The following CAPN7 variants were observed in gnomAD, a reference collection of about 807,000 sequenced individuals.
CAPN7 encodes the protein calpain 7, also known as calpain-7.
Under a neutral mutation model 115.2 loss-of-function variants are expected in CAPN7, and 72 were observed. The ratio of observed to expected loss-of-function variants is 0.63; its 90% CI spans 0.52 to 0.76. The LOEUF (loss-of-function observed/expected upper bound fraction) is 0.76, where lower values mean the gene tolerates loss of function less well. Ranked by LOEUF, CAPN7 falls within the 30% of genes least tolerant of loss-of-function variation. The pLI, the probability that CAPN7 is intolerant of heterozygous loss-of-function variation, is 0.00. For missense variants in CAPN7, 905 were observed against 971.5 expected (o/e 0.93, Z 0.91); for synonymous variants, 344 against 322.3 (o/e 1.07, Z -0.72).
chr3:15,235,105 C>T lies in CAPN7; in HGVS notation c.1367C>T (p.Pro456Leu). 6.2e-7 allele frequency: 1 copy of T among 1,613,558 alleles called. No individual in the cohort carries two copies. The highest frequency in any genetic ancestry group is 8.5e-7 in the Non-Finnish European group (1 of 1,179,722). The change falls in exon 12 of 21, where the codon CCC becomes CTC. Residue 456 changes from proline to leucine, a missense_variant. Around this residue, in one of 3 missense-constraint regions of CAPN7, gnomAD observed 620 missense variants for 703.4 expected, o/e 0.88. Transcript: ENST00000253693. ...GAAGGAGAGAAGTGGGGTCTGGTTC[C>T]CACACACGCATATGCTGTTTTGGAT... is the stretch of plus-strand genomic sequence containing the variant. ...EAEGEKWGLV[P>L]THAYAVLDIR...
chr3:15,232,684 G>T lies in CAPN7; in HGVS notation c.1179+19G>T. Reference sequence around the variant, plus strand: ...CAACTCCGTAAGTAATAGATAAGACGATCCAGACACAGATTTAAGCTATCT... The same window carrying T: ...CAACTCCGTAAGTAATAGATAAGACTATCCAGACACAGATTTAAGCTATCT... On this transcript the variant is annotated intron_variant, in intron 10 of 20. Transcript: ENST00000253693. 1 of 1,579,400 alleles carries T rather than the reference G, an allele frequency of 6.3e-7. No homozygotes were observed. The highest frequency in any genetic ancestry group is 1.2e-5 in the South Asian group (1 of 85,304).
intron 9 of CAPN7, among the ~76,000 whole-genome samples, 160 bp from the exon 10 acceptor site, chr3:15,232,359 A>T (rs1273065990): frequency 1.3e-5 from 2 of 152,220 alleles, no homozygotes; most frequent in African/African-American, 4.8e-5. Context: ...AAAAAGAACA[A>T]CATTTTGTAA....
At chr3:15,234,879 A>T (rs1694896353) in intron 11 of CAPN7, 146 bp from the exon 12 acceptor site, 3 of 531,534 alleles carry the variant, frequency 5.6e-6, no homozygotes, top group Non-Finnish European at 9.6e-6. Flanking sequence ...TATACTGTGC[A>T]TTAGAAATGT....
rs79196678 is a variant in CAPN7 at position 15,230,352 on chromosome 3, C to T, written c.939-90C>T. 7.9e-3 allele frequency: 5,769 copies of T among 726,616 alleles called. 28 individuals carry two copies. Among genetic ancestry groups the T allele is most frequent in the Non-Finnish European group, 0.011 (4,734 of 435,146 alleles). 45.0% of individuals were successfully genotyped at this position (726,616 alleles called of 1,614,324 possible). A position where few individuals can be genotyped will look rare whatever the true frequency, so the allele number is the denominator to read the frequency against. On this transcript the variant is annotated intron_variant, in intron 8 of 20. Coordinates refer to ENST00000253693, the MANE Select transcript of CAPN7 (RefSeq NM_014296.3). ...GTTTGTTTTTATGAAATTGCCAAGA[C>T]GGTAGTATATACCTGAATGAAATGT... is the stretch of plus-strand genomic sequence containing the variant.
At position 15,240,484 on chromosome 3, in the gene CAPN7, T is replaced by C. The variant is rs1695276138; in HGVS notation, c.1419T>C (p.Phe473=). Residue 473 remains phenylalanine, a synonymous_variant, in exon 13 of 21, where the codon TTT becomes TTC. Coordinates refer to ENST00000253693, the MANE Select transcript of CAPN7 (RefSeq NM_014296.3). The part of the protein sequence containing the change: ...LDIREFKGLR[F]IQLKNPWSHL... ...TCTTTTTTATATAGGGGCTGCGATT[T>C]ATCCAGTTGAAAAATCCTTGGAGTC... 6.2e-7 allele frequency: 1 copy of C among 1,610,354 alleles called. No homozygotes were observed. The highest frequency in any genetic ancestry group is 1.3e-5 in the African/African-American group (1 of 74,700).
At chr3:15,226,878 T>C (rs923749687) in intron 6 of CAPN7, among the ~76,000 whole-genome samples, 5 of 152,090 alleles carry the variant, frequency 3.3e-5, no homozygotes, top group Non-Finnish European at 7.4e-5. Flanking sequence ...GTTATGTTTG[T>C]GCCAGTTTGC....
intron 12 of CAPN7, among the ~76,000 whole-genome samples, chr3:15,238,108 CTTTTTTTTTT>C (rs34203410): frequency 6.9e-5 from 4 of 58,188 alleles, no homozygotes; most frequent in Non-Finnish European, 8.9e-5. Flanking sequence ...ATTCTGACTT[CTTTTTTTTTT>C]TTTTTTTTTT....
chr3:15,228,624 T>C (rs1694474348), intron 7 of CAPN7, among the ~76,000 whole-genome samples: 1 of 152,180 alleles, frequency 6.6e-6, no homozygotes, highest in African/African-American at 2.4e-5. Flanking sequence ...AACCAAATAC[T>C]GCATGTTCTC....
At position 15,230,500 on chromosome 3, in the gene CAPN7, A is replaced by G. The variant is rs751586857; in HGVS notation, c.997A>G (p.Met333Val). The G allele has an allele frequency of 4.3e-6, 7 of 1,612,678 alleles. No individual in the cohort carries two copies. Among genetic ancestry groups the G allele is most frequent in the Non-Finnish European group, 5.9e-6 (7 of 1,178,832 alleles). ...AGAATACAATCCATGTGGGAAGTAT[A>G]TGGTAAAACTTCACCTCAATGGTGT... ...EPEYNPCGKYMVKLHLNGVPR... is the reference protein window; with the variant it reads ...EPEYNPCGKYVVKLHLNGVPR... Residue 333 changes from methionine to valine, a missense_variant, in exon 9 of 21, where the codon ATG becomes GTG. Coordinates refer to ENST00000253693, the MANE Select transcript of CAPN7 (RefSeq NM_014296.3).
intron 4 of CAPN7, among the ~76,000 whole-genome samples, chr3:15,219,860 CCTG>C (rs1452501631): frequency 6.6e-6 from 1 of 152,216 alleles, no homozygotes; most frequent in Non-Finnish European, 1.5e-5. Flanking sequence ...AGTCTCATCT[CCTG>C]CTGCCTCTCG....
At chr3:15,219,904 C>G (rs2124909745) in intron 4 of CAPN7, among the ~76,000 whole-genome samples, 1 of 152,274 alleles carries the variant, frequency 6.6e-6, no homozygotes, top group Non-Finnish European at 1.5e-5. Flanking sequence ...AACATTCATT[C>G]TTTTGCAATT....
chr3:15,241,306 C>T lies in CAPN7; in HGVS notation c.1653-147C>T, dbSNP rs905301859. 4.5e-6 allele frequency: 3 copies of T among 661,512 alleles called. No individual in the cohort carries two copies. The African/African-American group carries it at 5.4e-5, about 12-fold the overall frequency. 41.0% of individuals were successfully genotyped at this position (661,512 alleles called of 1,614,324 possible). A position where few individuals can be genotyped will look rare whatever the true frequency, so the allele number is the denominator to read the frequency against. On this transcript the variant is annotated intron_variant, in intron 14 of 20. Coordinates refer to ENST00000253693, the MANE Select transcript of CAPN7 (RefSeq NM_014296.3). ...ATCTTGTTAATAGTTGTTTTCTTTC[C>T]ATGCTTCCTAGTTATGCCAAAAAAA...
chr3:15,240,357 A>G, intron 12 of CAPN7, 116 bp from the exon 13 acceptor site: 1 of 941,472 alleles, frequency 1.1e-6, no homozygotes, highest in South Asian at 1.5e-5. Context: ...ATTAATTTCA[A>G]GTTGATTTGA....
intron 19 of CAPN7, among the ~76,000 whole-genome samples, chr3:15,249,015 AAAAAAAAAAC>A (rs1306133093): frequency 2.7e-5 from 4 of 150,162 alleles, no homozygotes; most frequent in African/African-American, 7.4e-5. Flanking sequence ...CCAAAAAAAA[AAAAAAAAAAC>A]AAAAACAGAA....
At chr3:15,225,442 A>T (rs1694257472) in intron 6 of CAPN7, among the ~76,000 whole-genome samples, 1 of 152,250 alleles carries the variant, frequency 6.6e-6, no homozygotes, top group Non-Finnish European at 1.5e-5. Flanking sequence ...CAACAAATTA[A>T]TGTAAATCAT....
chr3:15,246,816 T>C (rs1440729841), intron 18 of CAPN7, 22 bp downstream of exon 18: 1 of 1,525,344 alleles, frequency 6.6e-7, no homozygotes. Flanking sequence ...CATTTGGTTG[T>C]AATCTCAGCA....
At position 15,247,416 on chromosome 3, in the gene CAPN7, A is replaced by T; in HGVS notation, c.2163A>T (p.Ile721=). The part of the protein sequence containing the change: ...HKNNPIYQFH[I]EKTGPLLIEL... The stretch of plus-strand genomic sequence containing the variant: ...ATAACCCCATCTACCAATTCCATAT[A>T]GAAAAGACTGGGCCGTTACTGATTG... Residue 721 remains isoleucine (I), a synonymous_variant, in exon 19 of 21, where the codon ATA becomes ATT. Coordinates refer to ENST00000253693, the MANE Select transcript of CAPN7 (RefSeq NM_014296.3). 6.2e-7 allele frequency: 1 copy of T among 1,611,968 alleles called. No individual in the cohort carries two copies. The highest frequency in any genetic ancestry group is 8.5e-7 in the Non-Finnish European group (1 of 1,179,110).
intron 8 of CAPN7, 142 bp downstream of exon 8, chr3:15,229,201 T>C: frequency 3.2e-6 from 2 of 626,758 alleles, no homozygotes; most frequent in Non-Finnish European, 5.7e-6. Flanking sequence ...GCAGATGATT[T>C]ATGAATGTGG....
At chr3:15,223,667 TTGGAATA>T in intron 6 of CAPN7, 106 bp downstream of exon 6, 1 of 728,470 alleles carries the variant, frequency 1.4e-6, no homozygotes, top group Non-Finnish European at 2.3e-6. Flanking sequence ...AAAAAATTTG[TTGGAATA>T]GAGGGGTGGC....
Sources: gnomAD v4.1 joint callset for allele counts (sites outside exome capture counted in the v4.1 genomes callset) on GRCh38, gnomAD v4.1.1 for gene constraint, gnomAD v4.1.1 regional missense constraint, MANE v1.5 for transcripts, NCBI Gene and HGNC (gene_info 2026-07-23, HGNC 2026-07-21) for gene names.